CCM2: variants seen among roughly 807,000 people sequenced by gnomAD.
CCM2 encodes CCM2 scaffold protein, also known as cerebral cavernous malformations 2 protein.
CCM2 carries 25 observed loss-of-function variants against 44.9 expected under a neutral mutation model. The ratio of observed to expected loss-of-function variants is 0.56; its 90% confidence interval spans 0.41 to 0.78. CCM2 has a LOEUF of 0.78. Ranked by LOEUF, CCM2 falls within the 30% of genes least tolerant of loss-of-function variation. The pLI is 0.00. For synonymous variants in CCM2, 219 were observed against 241.1 expected, an observed-to-expected ratio of 0.91 and a Z score of 0.85; for missense variants, 481 against 580.6, an observed-to-expected ratio of 0.83 and a Z score of 1.76.
At chr7:45,052,998 A>G (rs942016757) in intron 2 of CCM2, among the ~76,000 whole-genome samples, 1 of 152,168 alleles carries the variant, frequency 6.6e-6, no homozygotes, top group African/African-American at 2.4e-5. Context: ...TACGTCTCTT[A>G]TATTCAGGGA....
intron 1 of CCM2, among the ~76,000 whole-genome samples, chr7:45,011,619 TTGGCTC>T (rs919974375): frequency 4.1e-4 from 63 of 152,260 alleles, no homozygotes; most frequent in African/African-American, 1.5e-3. Flanking sequence ...TGGCGTGATC[TTGGCTC>T]ACTGCAACCT....
intron 1 of CCM2, among the ~76,000 whole-genome samples, chr7:45,006,444 C>T (rs547000390): frequency 5.3e-5 from 8 of 152,134 alleles, no homozygotes; most frequent in South Asian, 4.1e-4. Context: ...CCCAGGTTCC[C>T]GCCATTCTCC....
intron 1 of CCM2, among the ~76,000 whole-genome samples, chr7:45,024,182 T>C (rs1049120954): frequency 1.1e-4 from 17 of 152,222 alleles, no homozygotes; most frequent in African/African-American, 4.1e-4. Flanking sequence ...GGATTTCTAC[T>C]GAGTAGCCAG....
In CCM2 at chr7:45,026,597, ATT is replaced by A. The variant is rs747619583; in HGVS notation, c.31-11634_31-11633del. On this transcript the variant is annotated intron_variant, in intron 1 of 9. Transcript: ENST00000258781. ...CTGTGAATATAGTCACTCTAACCAG[ATT>A]TTTTTTTTTTTTTTTTTTTTTGAGA... 7.1e-4 allele frequency among the ~76,000 whole-genome samples: 81 copies of A among 114,396 alleles called. 1 individual carries two copies. The highest frequency in any genetic ancestry group is 2.4e-3 in the African/African-American group (72 of 29,578). The allele number at this position is 114,396 out of a possible 152,430, so 75.0% of individuals were successfully genotyped here.
intron 2 of CCM2, among the ~76,000 whole-genome samples, chr7:45,038,697 C>T (rs1237683663): frequency 6.6e-6 from 1 of 152,210 alleles, no homozygotes; most frequent in Non-Finnish European, 1.5e-5. Context: ...GTATGTGCTG[C>T]TCCACCAGAA....
intron 1 of CCM2, among the ~76,000 whole-genome samples, chr7:45,011,823 A>C (rs1796078151): frequency 1.3e-5 from 2 of 152,132 alleles, no homozygotes; most frequent in Non-Finnish European, 2.9e-5. Flanking sequence ...AAAAGTGCTG[A>C]GATTATAGGT....
chr7:45,031,381 C>CAA (rs35741858), intron 1 of CCM2, among the ~76,000 whole-genome samples: 60 of 57,466 alleles, frequency 1.0e-3, no homozygotes, highest in African/African-American at 3.1e-3. Flanking sequence ...GACTCCAGGT[C>CAA]AAAAAAAAAA....
chr7:45,008,476 C>T (rs920623055), intron 1 of CCM2, among the ~76,000 whole-genome samples: 3 of 151,200 alleles, frequency 2.0e-5, no homozygotes, highest in Admixed American at 6.6e-5. Context: ...ATTCTCCTGC[C>T]TCAGCCTTCC....
At chr7:45,035,214 A>G (rs1040680857) in intron 1 of CCM2, among the ~76,000 whole-genome samples, 2 of 152,200 alleles carry the variant, frequency 1.3e-5, no homozygotes, top group African/African-American at 4.8e-5. Context: ...TTAATTTTTT[A>G]TGCTTTTATA....
At chr7:45,071,502 T>C in intron 6 of CCM2, 1 of 285,222 alleles carries the variant, frequency 3.5e-6, no homozygotes. Context: ...TATTTCTGCC[T>C]TGGAGTTTTG....
chr7:45,072,759 C>T lies in CCM2; in HGVS notation c.779C>T (p.Thr260Ile). The change falls in exon 7 of 10, where the codon ACC becomes ATC. Residue 260 changes from threonine (T) to isoleucine (I), a missense_variant. Thr to Ile is a moderately conservative substitution (Grantham distance 89). Coordinates refer to ENST00000258781, the MANE Select transcript of CCM2 (RefSeq NM_031443.4). ...TCTACAAAAGTGGACATTAAGGAGA[C>T]CTACGAGGTGGAAGCCAGCACTTTG... is the stretch of plus-strand genomic sequence containing the variant. The part of the protein sequence containing the change: ...DSSTKVDIKE[T>I]YEVEASTFCF... 1 of 1,612,832 alleles carries T rather than the reference C, an allele frequency of 6.2e-7. No individual in the cohort carries two copies. The highest frequency in any genetic ancestry group is 1.3e-5 in the African/African-American group (1 of 75,038).
chr7:45,068,141 T>A, intron 4 of CCM2: 1 of 446,016 alleles, frequency 2.2e-6, no homozygotes. Context: ...CATGGAAACC[T>A]CCTGGAGGTG....
At chr7:45,043,726 T>C (rs1157628076) in intron 2 of CCM2, 2 of 406,886 alleles carry the variant, frequency 4.9e-6, no homozygotes, top group Non-Finnish European at 9.4e-6. Context: ...TAATCACATA[T>C]TGATATTTAT....
intron 1 of CCM2, among the ~76,000 whole-genome samples, chr7:45,024,602 T>G (rs185811242): frequency 1.3e-5 from 2 of 152,218 alleles, no homozygotes; most frequent in Non-Finnish European, 2.9e-5. Context: ...AGTGTAAAGA[T>G]CCCAAGGCAC....
At chr7:45,044,219 C>T (rs374525500) in intron 2 of CCM2, among the ~76,000 whole-genome samples, 12 of 152,308 alleles carry the variant, frequency 7.9e-5, no homozygotes, top group African/African-American at 2.2e-4. Flanking sequence ...CTGCAAGCTC[C>T]GCCTCCCGGG....
intron 4 of CCM2, among the ~76,000 whole-genome samples, chr7:45,066,661 G>A (rs1349158393): frequency 6.6e-6 from 1 of 152,124 alleles, no homozygotes; most frequent in Admixed American, 6.5e-5. Context: ...TGCTTGGAGG[G>A]TGATGACTTG....
Position 45,076,158 on chromosome 7 carries a change from A to G in CCM2, c.*101A>G, listed in dbSNP as rs1784245022. The G allele has an allele frequency of 3.9e-6, 6 of 1,547,510 alleles. No individual in the cohort carries two copies. Among genetic ancestry groups the G allele is most frequent in the Admixed American group, 3.7e-5 (2 of 54,670 alleles). ...TGCGTGTCAGCCCTTGGTGGTGGCC[A>G]GGGAGAGGCGCCCGGTGCAGATGGC... On this transcript the variant is annotated 3_prime_UTR_variant, in exon 10 of 10. Coordinates refer to ENST00000258781, the MANE Select transcript of CCM2 (RefSeq NM_031443.4).
At chr7:45,028,991 T>A (rs139244842) in intron 1 of CCM2, among the ~76,000 whole-genome samples, 1 of 152,292 alleles carries the variant, frequency 6.6e-6, no homozygotes, top group African/African-American at 2.4e-5. Context: ...TCTCTGGGAC[T>A]ATAGCCTATC....
intron 1 of CCM2, among the ~76,000 whole-genome samples, chr7:45,002,599 C>T (rs958191497): frequency 6.6e-6 from 1 of 151,724 alleles, no homozygotes; most frequent in African/African-American, 2.4e-5. Context: ...TTCCTCAGGA[C>T]ACAGGAATCA....
Sources: allele counts gnomAD v4.1 joint callset (sites outside exome capture counted in the v4.1 genomes callset), GRCh38; gene constraint gnomAD v4.1.1; transcripts MANE v1.5; gene names NCBI Gene and HGNC (gene_info 2026-07-23, HGNC 2026-07-21).